Variants in PCSK2 observed in about 807,000 individuals in gnomAD.
PCSK2 encodes proprotein convertase subtilisin/kexin type 2.
A neutral mutation model predicts 69.7 loss-of-function variants in PCSK2; 14 were observed. The observed-to-expected ratio is 0.20, with a 90% confidence interval of 0.13 to 0.31. The LOEUF (loss-of-function observed/expected upper bound fraction) is 0.31, where lower values mean the gene tolerates loss of function less well. PCSK2 is among the 10% of genes least tolerant of loss of function. The pLI, the probability that PCSK2 is intolerant of heterozygous loss-of-function variation, is 1.00. For missense variants in PCSK2, 544 were observed against 842.5 expected (o/e 0.65, Z 4.39); for synonymous variants, 307 against 320.7 (o/e 0.96, Z 0.46).
At chr20:17,343,802 A>G (rs957268838) in intron 2 of PCSK2, among the ~76,000 whole-genome samples, 1 of 152,222 alleles carries the variant, frequency 6.6e-6, no homozygotes, top group African/African-American at 2.4e-5. Context: ...AAATGGGATC[A>G]TAAGCCAAGG....
chr20:17,451,174 T>A (rs546842909), intron 8 of PCSK2, among the ~76,000 whole-genome samples: 2 of 152,362 alleles, frequency 1.3e-5, no homozygotes, highest in East Asian at 3.9e-4. Flanking sequence ...GCAAGTCTCA[T>A]GGTTTAAAAC....
rs1475638925 is a variant in PCSK2, at chr20:17,347,919, AG to A, written c.283-10406del. Among the ~76,000 whole-genome samples, 4 of 104,884 alleles carry A rather than the reference AG, an allele frequency of 3.8e-5. 1 individual carries two copies. Among genetic ancestry groups the A allele is most frequent in the African/African-American group, 1.2e-4 (3 of 25,192 alleles). The allele number at this position is 104,884 out of a possible 152,430, so 68.8% of individuals were successfully genotyped here. On this transcript the variant is annotated intron_variant, in intron 2 of 11. Transcript: ENST00000262545. ...AAGAAAGAAAGAAAGAAAGAAAGAAAGGAGAGAGAAAAAAGAGAAAGAAAGA... is the reference window on the plus strand; with the variant it reads ...AAGAAAGAAAGAAAGAAAGAAAGAAAGAGAGAGAAAAAAGAGAAAGAAAGA...
intron 2 of PCSK2, among the ~76,000 whole-genome samples, chr20:17,270,401 G>A (rs1231824528): frequency 6.6e-6 from 1 of 152,084 alleles, no homozygotes; most frequent in Non-Finnish European, 1.5e-5. Context: ...AGCTTTATGG[G>A]TTCAGGAGAG....
chr20:17,289,365 A>G (rs1988620514), intron 2 of PCSK2, among the ~76,000 whole-genome samples: 1 of 152,172 alleles, frequency 6.6e-6, no homozygotes, highest in Non-Finnish European at 1.5e-5. Context: ...TTGTTTAACA[A>G]CTAACACTGA....
At chr20:17,300,906 A>T in intron 2 of PCSK2, among the ~76,000 whole-genome samples, 1 of 152,202 alleles carries the variant, frequency 6.6e-6, no homozygotes, top group East Asian at 1.9e-4. Context: ...TCATAAAATA[A>T]ATTTGTATTT....
intron 2 of PCSK2, among the ~76,000 whole-genome samples, chr20:17,304,063 T>C (rs1466386706): frequency 6.6e-6 from 1 of 151,582 alleles, no homozygotes; most frequent in Non-Finnish European, 1.5e-5. Context: ...TGGGAGTCTT[T>C]TGGGAAAGTT....
intron 10 of PCSK2, among the ~76,000 whole-genome samples, chr20:17,458,167 C>T (rs765695660): frequency 1.3e-5 from 2 of 152,170 alleles, no homozygotes; most frequent in East Asian, 1.9e-4. Flanking sequence ...AAGTCCATCA[C>T]GGGAGCCGGT....
chr20:17,252,027 T>C (rs1369358616), intron 1 of PCSK2, among the ~76,000 whole-genome samples: 2 of 152,186 alleles, frequency 1.3e-5, no homozygotes, highest in African/African-American at 4.8e-5. Context: ...GTTGGACTTC[T>C]TAAATTGTAG....
At chr20:17,256,892 T>C (rs1987196096) in intron 1 of PCSK2, among the ~76,000 whole-genome samples, 1 of 152,174 alleles carries the variant, frequency 6.6e-6, no homozygotes, top group Admixed American at 6.5e-5. Context: ...TGTTCCTCTG[T>C]TAGTTGACTG....
At chr20:17,314,424 G>A (rs1600482294) in intron 2 of PCSK2, among the ~76,000 whole-genome samples, 1 of 152,186 alleles carries the variant, frequency 6.6e-6, no homozygotes, top group East Asian at 1.9e-4. Context: ...TCTGCTCCAG[G>A]CAATGTTTAT....
At chr20:17,393,775 C>T (rs2031443597) in intron 5 of PCSK2, among the ~76,000 whole-genome samples, 1 of 152,180 alleles carries the variant, frequency 6.6e-6, no homozygotes, top group Middle Eastern at 3.4e-3. Context: ...CAACAAAATG[C>T]AATTAAAATG....
chr20:17,376,832 C>G (rs1444293020), intron 5 of PCSK2, among the ~76,000 whole-genome samples: 1 of 152,212 alleles, frequency 6.6e-6, no homozygotes, highest in Non-Finnish European at 1.5e-5. Context: ...TAAGCAAGCA[C>G]TTAATACATA....
chr20:17,377,764 G>A (rs2030969378), intron 5 of PCSK2, among the ~76,000 whole-genome samples: 2 of 152,214 alleles, frequency 1.3e-5, no homozygotes, highest in Admixed American at 1.3e-4. Context: ...TAGACCGTCA[G>A]TCAAATGACT....
intron 1 of PCSK2, among the ~76,000 whole-genome samples, chr20:17,245,761 A>C (rs1276249086): frequency 2.0e-5 from 3 of 152,140 alleles, no homozygotes; most frequent in African/African-American, 7.2e-5. Flanking sequence ...GACAGCTCAG[A>C]GCTAACAAGT....
At chr20:17,235,569 G>A (rs553814213) in intron 1 of PCSK2, among the ~76,000 whole-genome samples, 31 of 152,244 alleles carry the variant, frequency 2.0e-4, no homozygotes, top group African/African-American at 7.5e-4. Flanking sequence ...GCAAAGTGTT[G>A]TAAGTCATTA....
intron 11 of PCSK2, among the ~76,000 whole-genome samples, chr20:17,474,943 T>C (rs2033266407): frequency 6.6e-6 from 1 of 152,078 alleles, no homozygotes; most frequent in Non-Finnish European, 1.5e-5. Flanking sequence ...GATGTGGTAA[T>C]CAGTTTCCAA....
chr20:17,237,746 T>G (rs903533078), intron 1 of PCSK2, among the ~76,000 whole-genome samples: 2 of 151,160 alleles, frequency 1.3e-5, no homozygotes, highest in Non-Finnish European at 2.9e-5. Context: ...GGTAGAGGAG[T>G]GGGGAATTGA....
chr20:17,268,050 T>C (rs1319911352), intron 2 of PCSK2, among the ~76,000 whole-genome samples: 2 of 103,294 alleles, frequency 1.9e-5, no homozygotes, highest in African/African-American at 7.1e-5. Flanking sequence ...TATATATATA[T>C]ATATATATAT....
At chr20:17,413,602 C>A (rs1429788142) in intron 6 of PCSK2, among the ~76,000 whole-genome samples, 1 of 152,190 alleles carries the variant, frequency 6.6e-6, no homozygotes, top group South Asian at 2.1e-4. Context: ...TAACACCCCA[C>A]TGTCAATATT....
Sources: gnomAD v4.1 joint callset for allele counts (sites outside exome capture counted in the v4.1 genomes callset) on GRCh38, gnomAD v4.1.1 for gene constraint, MANE v1.5 for transcripts, NCBI Gene and HGNC (gene_info 2026-07-23, HGNC 2026-07-21) for gene names.